The following UGT1A6 variants were observed in gnomAD, a reference collection of about 807,000 sequenced individuals.
UGT1A6 encodes UDP glucuronosyltransferase family 1 member A6, also known as UDP-glucuronosyltransferase 1A6.
Under a neutral mutation model 44.4 loss-of-function variants are expected in UGT1A6, and 32 were observed. The ratio of observed to expected loss-of-function variants is 0.72; its 90% CI spans 0.54 to 0.97. The LOEUF (loss-of-function observed/expected upper bound fraction) is 0.97, where lower values mean the gene tolerates loss of function less well. UGT1A6 is among the 50% of genes least tolerant of loss of function. The pLI, the probability that UGT1A6 is intolerant of heterozygous loss-of-function variation, is 0.00. For synonymous variants in UGT1A6, 238 were observed against 248.5 expected (o/e 0.96, Z 0.40); for missense variants, 685 against 661.9 (o/e 1.03, Z -0.38).
intron 3 of UGT1A6, 57 bp from the exon 4 acceptor site, chr2:233,768,163 T>A: frequency 6.2e-7 from 1 of 1,613,480 alleles, no homozygotes; most frequent in Non-Finnish European, 8.5e-7. Flanking sequence ...CCTAGATGTG[T>A]CCAGCTGTGA....
intron 1 of UGT1A6, chr2:233,730,097 T>C: frequency 6.3e-7 from 1 of 1,588,304 alleles, no homozygotes; most frequent in Non-Finnish European, 8.6e-7. Flanking sequence ...TTTCCAAATA[T>C]TTCATTTCTG....
At chr2:233,719,673 A>T (rs770674662) in intron 1 of UGT1A6, 1 of 1,614,074 alleles carries the variant, frequency 6.2e-7, no homozygotes, top group Admixed American at 1.7e-5. Context: ...TGCCAACGGG[A>T]AGCCACTATC....
At chr2:233,763,527 CT>C (rs1248792225) in intron 1 of UGT1A6, among the ~76,000 whole-genome samples, 2 of 152,146 alleles carry the variant, frequency 1.3e-5, no homozygotes, top group African/African-American at 4.8e-5. Context: ...TGCCATTCTC[CT>C]TTTTCCGGAT....
intron 1 of UGT1A6, among the ~76,000 whole-genome samples, chr2:233,704,317 G>A (rs1265287357): frequency 3.5e-5 from 4 of 114,658 alleles, no homozygotes; most frequent in African/African-American, 1.5e-4. Flanking sequence ...ATCCTTTAAT[G>A]TTTTTCTTTC....
chr2:233,715,268 C>A (rs1400036159), intron 1 of UGT1A6, among the ~76,000 whole-genome samples: 1 of 152,186 alleles, frequency 6.6e-6, no homozygotes, highest in Non-Finnish European at 1.5e-5. Context: ...CCTTACATAA[C>A]AAATTCTCCT....
chr2:233,761,161 G>A lies in UGT1A6; in HGVS notation c.862-5873G>A, dbSNP rs1276914496. ...AAATCCACTATCCCAGGTGTGTATT[G>A]GAGTGGGACTTTTACATGCGTATAT... is the stretch of plus-strand genomic sequence containing the variant. On this transcript the variant is annotated intron_variant, in intron 1 of 4. Transcript: ENST00000305139. The A allele has an allele frequency of 6.2e-7, 1 of 1,614,176 alleles. No homozygotes were observed. The highest frequency in any genetic ancestry group is 1.7e-5 in the Admixed American group (1 of 60,028).
At chr2:233,734,824 TTGAG>T (rs1349043445) in intron 1 of UGT1A6, among the ~76,000 whole-genome samples, 2 of 152,248 alleles carry the variant, frequency 1.3e-5, no homozygotes, top group African/African-American at 4.8e-5. Flanking sequence ...TTGTGCGATT[TTGAG>T]TGAGTTTCTT....
intron 1 of UGT1A6, among the ~76,000 whole-genome samples, chr2:233,709,752 A>G (rs1448990016): frequency 1.3e-5 from 2 of 152,332 alleles, no homozygotes; most frequent in South Asian, 4.1e-4. Context: ...AATAAACATT[A>G]TTGGAGTATT....
intron 1 of UGT1A6, among the ~76,000 whole-genome samples, chr2:233,724,315 G>A (rs1179998085): frequency 6.7e-6 from 1 of 148,800 alleles, no homozygotes; most frequent in African/African-American, 2.5e-5. Flanking sequence ...CTCCCGGACG[G>A]GGCGGCTGGC....
At chr2:233,705,268 G>T (rs545521237) in intron 1 of UGT1A6, among the ~76,000 whole-genome samples, 50 of 152,210 alleles carry the variant, frequency 3.3e-4, no homozygotes, top group African/African-American at 1.1e-3. Flanking sequence ...GGGGTCACTT[G>T]CTTTCAACCT....
chr2:233,752,822 A>T (rs1200323713), intron 1 of UGT1A6, among the ~76,000 whole-genome samples: 1 of 152,248 alleles, frequency 6.6e-6, no homozygotes, highest in East Asian at 1.9e-4. Flanking sequence ...CCCATTTATG[A>T]CATCAGTAAT....
chr2:233,743,824 G>T, intron 1 of UGT1A6: 1 of 1,367,262 alleles, frequency 7.3e-7, no homozygotes, highest in Non-Finnish European at 9.8e-7. Flanking sequence ...TTTTGTCGGG[G>T]TGCCACTTGA....
chr2:233,760,663 G>A, intron 1 of UGT1A6: 1 of 1,614,204 alleles, frequency 6.2e-7, no homozygotes, highest in Non-Finnish European at 8.5e-7. Context: ...GCTTTTGTCT[G>A]GCTGTTCCCA....
In UGT1A6 at chr2:233,769,240, G is replaced by A. The variant is rs1056982803; in HGVS notation, c.1301+801G>A. The stretch of plus-strand genomic sequence containing the variant: ...TTAGAATAAGAGCAAAGGAAAATTT[G>A]CTCAAATGTGGCCCTGAAAACGATT... On this transcript the variant is annotated intron_variant, in intron 4 of 4. Transcript: ENST00000305139. This position sits in a 1 kb window ranked among gnomAD's most constrained non-coding sequence, Gnocchi z 4.4. 6.6e-6 allele frequency among the ~76,000 whole-genome samples: 1 copy of A among 152,196 alleles called. No individual in the cohort carries two copies. The highest frequency in any genetic ancestry group is 6.5e-5 in the Admixed American group (1 of 15,280).
At chr2:233,760,189 G>T in intron 1 of UGT1A6, 1 of 1,566,266 alleles carries the variant, frequency 6.4e-7, no homozygotes. Context: ...TTATAGTCAC[G>T]TGACACAGTC....
At chr2:233,743,832 T>C in intron 1 of UGT1A6, 4 of 1,367,252 alleles carry the variant, frequency 2.9e-6, no homozygotes, top group South Asian at 2.3e-5. Context: ...GGGTGCCACT[T>C]GAGCGCCAGC....
rs571994847 is a variant in UGT1A6, at chr2:233,706,057, T to G, written c.861+12192T>G. 5.9e-5 allele frequency among the ~76,000 whole-genome samples: 9 copies of G among 152,276 alleles called. No individual in the cohort carries two copies. The South Asian group carries it at 1.9e-3, about 32-fold the overall frequency. On this transcript the variant is annotated intron_variant, in intron 1 of 4. Transcript: ENST00000305139. ...TTGCAGTGAGCCGAGATCACGCCAC[T>G]GCATGCCAGCCTGGGTGACAGAGCT... is the stretch of plus-strand genomic sequence containing the variant.
intron 1 of UGT1A6, among the ~76,000 whole-genome samples, chr2:233,764,723 G>A (rs547202766): frequency 1.3e-5 from 2 of 152,270 alleles, no homozygotes; most frequent in African/African-American, 4.8e-5. Flanking sequence ...CAAGAAAGAG[G>A]GAGAGAAAGA....
chr2:233,744,073 C>G, intron 1 of UGT1A6: 1 of 475,704 alleles, frequency 2.1e-6, no homozygotes, highest in Non-Finnish European at 3.5e-6. Context: ...ATGAGCGCCT[C>G]GCATCCCAAG....
Sources: gnomAD v4.1 joint callset for allele counts (sites outside exome capture counted in the v4.1 genomes callset) on GRCh38, gnomAD v4.1.1 for gene constraint, Gnocchi (gnomAD v3.1) non-coding constraint, MANE v1.5 for transcripts, NCBI Gene and HGNC (gene_info 2026-07-23, HGNC 2026-07-21) for gene names.